The following CMTM7 variants were observed in gnomAD, a reference collection of about 807,000 sequenced individuals.
CMTM7 encodes the protein CKLF like MARVEL transmembrane domain containing 7.
In CMTM7, 7 loss-of-function variants were observed where a neutral mutation model predicts 19.3. That is an observed-to-expected ratio of 0.36 (90% CI 0.21 to 0.68). The LOEUF (loss-of-function observed/expected upper bound fraction) is 0.68, where lower values mean the gene tolerates loss of function less well. CMTM7 is among the 30% of genes least tolerant of loss of function. CMTM7 has a pLI of 0.60. For missense variants in CMTM7, 193 were observed against 232.6 expected (o/e 0.83, Z 1.11); for synonymous variants, 87 against 99.3 (o/e 0.88, Z 0.74).
At chr3:32,401,626 A>G (rs1303589987) in intron 1 of CMTM7, among the ~76,000 whole-genome samples, 3 of 152,214 alleles carry the variant, frequency 2.0e-5, no homozygotes, top group South Asian at 2.1e-4. Flanking sequence ...GCGCCACTGG[A>G]CAGCCATCTG....
chr3:32,455,272 G>A lies in CMTM7; in HGVS notation c.*1018G>A, dbSNP rs922829267. 6.6e-6 allele frequency: 1 copy of A among 152,240 alleles called. No individual in the cohort carries two copies. The highest frequency in any genetic ancestry group is 2.4e-5 in the African/African-American group (1 of 41,462). 9.4% of individuals were successfully genotyped at this position (152,240 alleles called of 1,614,324 possible). Reference sequence around the variant, plus strand: ...ATTCACAACCACATCTAATAGCGATGGTAGTGACTGCAAGGGGGCAGGTTA... The same window carrying A: ...ATTCACAACCACATCTAATAGCGATAGTAGTGACTGCAAGGGGGCAGGTTA... On this transcript the variant is annotated 3_prime_UTR_variant, in exon 5 of 5. Coordinates refer to ENST00000334983, the MANE Select transcript of CMTM7 (RefSeq NM_138410.4).
chr3:32,405,197 T>C (rs538536510), intron 1 of CMTM7, among the ~76,000 whole-genome samples: 2 of 152,366 alleles, frequency 1.3e-5, no homozygotes, highest in South Asian at 4.1e-4. Flanking sequence ...AACAGTGGAC[T>C]TCTCCCCAGA....
chr3:32,444,201 T>C (rs902174465), intron 2 of CMTM7, among the ~76,000 whole-genome samples: 4 of 152,250 alleles, frequency 2.6e-5, no homozygotes, highest in African/African-American at 9.6e-5. Context: ...TACATTTAGG[T>C]ATTTGATCCA....
intron 1 of CMTM7, among the ~76,000 whole-genome samples, chr3:32,399,235 G>A (rs1176817455): frequency 6.7e-6 from 1 of 150,042 alleles, no homozygotes; most frequent in Non-Finnish European, 1.5e-5. Context: ...CCCCCTAGGG[G>A]TTATTTTGGA....
At chr3:32,437,453 C>T (rs1473815538) in intron 1 of CMTM7, among the ~76,000 whole-genome samples, 2 of 151,554 alleles carry the variant, frequency 1.3e-5, no homozygotes, top group Non-Finnish European at 2.9e-5. Flanking sequence ...AAAAATTAGC[C>T]GGCCGTGGTG....
chr3:32,444,689 AT>A (rs1285692364), intron 2 of CMTM7, among the ~76,000 whole-genome samples: 1 of 152,136 alleles, frequency 6.6e-6, no homozygotes, highest in African/African-American at 2.4e-5. Flanking sequence ...AAGTTTTTCC[AT>A]TTTTTTAGAT....
chr3:32,402,681 C>T (rs1277181712), intron 1 of CMTM7, among the ~76,000 whole-genome samples: 1 of 152,138 alleles, frequency 6.6e-6, no homozygotes, highest in Non-Finnish European at 1.5e-5. Flanking sequence ...ATTATCCTGC[C>T]TCAGCCTCCC....
At chr3:32,426,002 AG>A (rs1033131563) in intron 1 of CMTM7, among the ~76,000 whole-genome samples, 48 of 152,284 alleles carry the variant, frequency 3.2e-4, no homozygotes, top group Middle Eastern at 3.4e-3. Flanking sequence ...GAAATTAGCC[AG>A]GCATGGTGGC....
At chr3:32,446,360 G>A (rs1212860439) in intron 2 of CMTM7, among the ~76,000 whole-genome samples, 2 of 151,808 alleles carry the variant, frequency 1.3e-5, no homozygotes, top group Non-Finnish European at 2.9e-5. Flanking sequence ...TTCCTCTTTC[G>A]TTTGCATCTT....
intron 2 of CMTM7, among the ~76,000 whole-genome samples, chr3:32,445,611 C>CA (rs1250791643): frequency 1.3e-5 from 2 of 152,022 alleles, no homozygotes; most frequent in Non-Finnish European, 2.9e-5. Context: ...TTCTCAGGCT[C>CA]AAGCGATCCT....
intron 4 of CMTM7, 56 bp from the exon 5 acceptor site, chr3:32,454,185 C>A: frequency 6.4e-7 from 1 of 1,551,988 alleles, no homozygotes; most frequent in Non-Finnish European, 8.7e-7. Context: ...TGGAGTGTGG[C>A]TTGTGGGTGG....
At chr3:32,407,645 A>G (rs1159359671) in intron 1 of CMTM7, among the ~76,000 whole-genome samples, 1 of 152,166 alleles carries the variant, frequency 6.6e-6, no homozygotes, top group Non-Finnish European at 1.5e-5. Flanking sequence ...ATAATGTGAC[A>G]TTGGTTTTTC....
intron 1 of CMTM7, among the ~76,000 whole-genome samples, chr3:32,403,420 T>C (rs1696039371): frequency 2.6e-5 from 4 of 152,138 alleles, no homozygotes; most frequent in Admixed American, 6.5e-5. Context: ...GCCGTGTTGC[T>C]AAGGCTACTC....
At chr3:32,400,369 TA>T (rs1240744072) in intron 1 of CMTM7, among the ~76,000 whole-genome samples, 2 of 150,478 alleles carry the variant, frequency 1.3e-5, no homozygotes, top group Admixed American at 1.3e-4. Context: ...ACATATTTTG[TA>T]AATGCTTTTC....
In CMTM7 at chr3:32,454,412, C is replaced by A; in HGVS notation, c.*158C>A. Reference sequence around the variant, plus strand: ...TCTTCCTGCTCTCCCAGGAAGCCAGCTCCCTGAGCTCCTGAGCCAGCCGGA... The same window carrying A: ...TCTTCCTGCTCTCCCAGGAAGCCAGATCCCTGAGCTCCTGAGCCAGCCGGA... On this transcript the variant is annotated 3_prime_UTR_variant, in exon 5 of 5. Coordinates refer to ENST00000334983, the MANE Select transcript of CMTM7 (RefSeq NM_138410.4). 1 of 847,104 alleles carries A rather than the reference C, an allele frequency of 1.2e-6. No individual in the cohort carries two copies. The highest frequency in any genetic ancestry group is 2.0e-6 in the Non-Finnish European group (1 of 506,542). The allele number at this position is 847,104 out of a possible 1,614,324, so 52.5% of individuals were successfully genotyped here. A position where few individuals can be genotyped will look rare whatever the true frequency, so the allele number is the denominator to read the frequency against.
chr3:32,408,152 C>T (rs776437853), intron 1 of CMTM7, among the ~76,000 whole-genome samples: 2 of 152,146 alleles, frequency 1.3e-5, no homozygotes, highest in South Asian at 4.1e-4. Flanking sequence ...CCAGAGTCTC[C>T]GGAGGGAGCA....
At chr3:32,447,652 G>A (rs164212) in intron 2 of CMTM7, among the ~76,000 whole-genome samples, 91,365 of 151,886 alleles carry the variant, frequency 0.6, 27,965 homozygotes, top group Non-Finnish European at 0.66. Context: ...TCTTACTTAC[G>A]GATTCAGCTT....
intron 1 of CMTM7, among the ~76,000 whole-genome samples, chr3:32,411,192 G>A (rs961883141): frequency 7.9e-5 from 12 of 152,146 alleles, no homozygotes; most frequent in Non-Finnish European, 1.3e-4. Flanking sequence ...TCATCACCTC[G>A]AAGGCACCAT....
chr3:32,392,215 C>A, intron 1 of CMTM7, 150 bp downstream of exon 1: 2 of 593,812 alleles, frequency 3.4e-6, no homozygotes, highest in Non-Finnish European at 4.8e-6. Flanking sequence ...AAGTTCGCGG[C>A]AGGCTTCCTC....
Sources: allele counts gnomAD v4.1 joint callset (sites outside exome capture counted in the v4.1 genomes callset), GRCh38; gene constraint gnomAD v4.1.1; transcripts MANE v1.5; gene names NCBI Gene and HGNC (gene_info 2026-07-23, HGNC 2026-07-21).